Variants in ADGRL2 observed in about 807,000 individuals in gnomAD.
The protein encoded by ADGRL2 is adhesion G protein-coupled receptor L2.
A neutral mutation model predicts 157.4 loss-of-function variants in ADGRL2; 44 were observed. The ratio of observed to expected loss-of-function variants is 0.28; its 90% CI spans 0.22 to 0.36. The LOEUF (loss-of-function observed/expected upper bound fraction) is 0.36, where lower values mean the gene tolerates loss of function less well. Among genes scored for constraint, ADGRL2 ranks in the 10% least tolerant of loss-of-function variants. ADGRL2 has a pLI of 1.00. For missense variants in ADGRL2, 1,510 were observed against 1,768.9 expected, an observed-to-expected ratio of 0.85 and a Z score of 2.63; for synonymous variants, 585 against 624.7, an observed-to-expected ratio of 0.94 and a Z score of 0.95.
At chr1:81,452,100 T>A (rs1457173064) in intron 2 of ADGRL2, among the ~76,000 whole-genome samples, 1 of 152,166 alleles carries the variant, frequency 6.6e-6, no homozygotes, top group Non-Finnish European at 1.5e-5. Context: ...TTAACAAGAC[T>A]GTCGTTTTTT....
At chr1:81,361,135 A>G (rs1220836310) in intron 1 of ADGRL2, among the ~76,000 whole-genome samples, 1 of 151,804 alleles carries the variant, frequency 6.6e-6, no homozygotes, top group Non-Finnish European at 1.5e-5. Context: ...ACCACAATGA[A>G]TGTTTATTCT....
chr1:81,555,339 G>A (rs2148411445), intron 2 of ADGRL2, among the ~76,000 whole-genome samples: 1 of 149,470 alleles, frequency 6.7e-6, no homozygotes, highest in Admixed American at 6.7e-5. Context: ...CATGATCCTG[G>A]CTCACTGCAA....
Position 81,835,862 on chromosome 1 carries a change from G to A in ADGRL2, c.-100-1023G>A, listed in dbSNP as rs367829052. Reference sequence around the variant, plus strand: ...TTATTTTTGTTGTGTTCTTAATAAAGCAAGATAGTACCTTTATAGGTAATA... The same window carrying A: ...TTATTTTTGTTGTGTTCTTAATAAAACAAGATAGTACCTTTATAGGTAATA... On this transcript the variant is annotated intron_variant, in intron 1 of 23. Transcript: ENST00000686636. Among the ~76,000 whole-genome samples, 203 of 152,116 alleles carry A rather than the reference G, an allele frequency of 1.3e-3. 7 individuals carry two copies. The South Asian group carries it at 0.036, about 27-fold the overall frequency.
At chr1:81,819,826 A>G (rs1172809169) in intron 1 of ADGRL2, among the ~76,000 whole-genome samples, 1 of 152,126 alleles carries the variant, frequency 6.6e-6, no homozygotes, top group Admixed American at 6.6e-5. Flanking sequence ...TTAAACAAGT[A>G]ATTTGATATT....
chr1:81,324,193 GAGAA>G (rs2100647870), intron 1 of ADGRL2, among the ~76,000 whole-genome samples: 1 of 152,220 alleles, frequency 6.6e-6, no homozygotes, highest in South Asian at 2.1e-4. Context: ...GAGACTGAAT[GAGAA>G]AGAGAGATTA....
At chr1:81,820,428 G>C (rs1218091742) in intron 1 of ADGRL2, among the ~76,000 whole-genome samples, 1 of 152,088 alleles carries the variant, frequency 6.6e-6, no homozygotes, top group Non-Finnish European at 1.5e-5. Context: ...TTCATACATG[G>C]AAACTCTCAG....
chr1:81,347,309 G>A (rs944090302), intron 1 of ADGRL2, among the ~76,000 whole-genome samples: 2 of 152,080 alleles, frequency 1.3e-5, no homozygotes, highest in Admixed American at 6.5e-5. Context: ...GCTGAGGCAG[G>A]AGAATCGCTT....
At position 81,693,434 on chromosome 1, in the gene ADGRL2, T is replaced by C. The variant is rs17424042; in HGVS notation, c.-142-68377T>C. 1.2e-3 allele frequency among the ~76,000 whole-genome samples: 182 copies of C among 152,356 alleles called. 2 individuals carry two copies. The highest frequency in any genetic ancestry group is 6.8e-3 in the Middle Eastern group (2 of 294). On this transcript the variant is annotated intron_variant, in intron 3 of 24. Transcript: ENST00000370721. ...GAATGAAGAAGGGATACAATAGTTT[T>C]AGGCTAATGCATTCGTCTGCACTGG...
intron 2 of ADGRL2, among the ~76,000 whole-genome samples, chr1:81,839,235 G>A (rs2150243911): frequency 6.6e-6 from 1 of 151,940 alleles, no homozygotes; most frequent in Middle Eastern, 3.4e-3. Flanking sequence ...CAGTTTCTAG[G>A]TTCTTGCAGG....
At chr1:81,346,791 C>T (rs1166256272) in intron 1 of ADGRL2, among the ~76,000 whole-genome samples, 1 of 152,176 alleles carries the variant, frequency 6.6e-6, no homozygotes, top group African/African-American at 2.4e-5. Context: ...ATTGTTTGAG[C>T]AGAGCAGTCT....
intron 2 of ADGRL2, among the ~76,000 whole-genome samples, chr1:81,535,383 G>A (rs1054421807): frequency 6.6e-6 from 1 of 152,024 alleles, no homozygotes; most frequent in Non-Finnish European, 1.5e-5. Context: ...TGGTGATTAT[G>A]ACCCTTATCT....
intron 1 of ADGRL2, among the ~76,000 whole-genome samples, chr1:81,753,197 G>A (rs1398697227): frequency 6.6e-6 from 1 of 152,096 alleles, no homozygotes; most frequent in Non-Finnish European, 1.5e-5. Flanking sequence ...GGTTTAATTG[G>A]ACTCACAGTT....
At chr1:81,685,792 A>G (rs1162862597) in intron 3 of ADGRL2, among the ~76,000 whole-genome samples, 1 of 152,152 alleles carries the variant, frequency 6.6e-6, no homozygotes, top group Admixed American at 6.5e-5. Context: ...TGCTTTTATT[A>G]CATTAAGGTA....
At chr1:81,464,366 T>C (rs2101826133) in intron 2 of ADGRL2, among the ~76,000 whole-genome samples, 1 of 151,998 alleles carries the variant, frequency 6.6e-6, no homozygotes, top group South Asian at 2.1e-4. Context: ...AGCATCTGAG[T>C]ATCTGGGCAG....
chr1:81,435,271 AG>A (rs1185099126), intron 1 of ADGRL2, among the ~76,000 whole-genome samples: 2 of 152,232 alleles, frequency 1.3e-5, no homozygotes, highest in East Asian at 3.8e-4. Context: ...ATATTCACTA[AG>A]TTTTAACAAC....
chr1:81,709,588 T>A (rs1353457599), intron 1 of ADGRL2, among the ~76,000 whole-genome samples: 9 of 152,108 alleles, frequency 5.9e-5, no homozygotes, highest in Non-Finnish European at 7.4e-5. Context: ...ATTTTTTTTT[T>A]AATTTAAACT....
chr1:81,615,732 A>G (rs1397567097), intron 3 of ADGRL2, among the ~76,000 whole-genome samples: 1 of 152,236 alleles, frequency 6.6e-6, no homozygotes, highest in East Asian at 1.9e-4. Flanking sequence ...AGTGATAGAC[A>G]CTGCTCTGGA....
At chr1:81,440,384 T>C (rs1453377467) in intron 1 of ADGRL2, among the ~76,000 whole-genome samples, 1 of 152,212 alleles carries the variant, frequency 6.6e-6, no homozygotes, top group Non-Finnish European at 1.5e-5. Context: ...GAAGGATGAT[T>C]GTGTAGGAAT....
intron 1 of ADGRL2, among the ~76,000 whole-genome samples, chr1:81,372,971 A>C (rs572725485): frequency 6.6e-6 from 1 of 152,270 alleles, no homozygotes; most frequent in South Asian, 2.1e-4. Flanking sequence ...TCAAAGGGAG[A>C]GAGCTTGTTA....
Sources: gnomAD v4.1 joint callset for allele counts (sites outside exome capture counted in the v4.1 genomes callset) on GRCh38, gnomAD v4.1.1 for gene constraint, MANE v1.5 for transcripts, NCBI Gene and HGNC (gene_info 2026-07-23, HGNC 2026-07-21) for gene names.